Variants in ANKRD36B observed in about 807,000 individuals in gnomAD.
ANKRD36B encodes the protein ankyrin repeat domain-containing protein 36B.
A neutral mutation model predicts 135.7 loss-of-function variants in ANKRD36B; 37 were observed. That is an observed-to-expected ratio of 0.27 (90% confidence interval 0.21 to 0.36). The LOEUF is 0.36. Among genes scored for constraint, ANKRD36B ranks in the 10% least tolerant of loss-of-function variants. The pLI, the probability that ANKRD36B is intolerant of heterozygous loss-of-function variation, is 1.00. For synonymous variants in ANKRD36B, 179 were observed against 348.1 expected, an observed-to-expected ratio of 0.51 and a Z score of 5.41; for missense variants, 549 against 1,037.1, an observed-to-expected ratio of 0.53 and a Z score of 6.46.
chr2:97,549,633 T>A lies in ANKRD36B; in HGVS notation c.1376-19A>T, dbSNP rs2079850242. 6 of 1,607,170 alleles carry A rather than the reference T, an allele frequency of 3.7e-6. No homozygotes were observed. The highest frequency in any genetic ancestry group is 5.1e-6 in the Non-Finnish European group (6 of 1,177,600). On this transcript the variant is annotated intron_variant, in intron 18 of 43. Coordinates refer to ENST00000359901, the MANE Select transcript of ANKRD36B (RefSeq NM_001393939.1). ...GAAGACACTGAAAAGCAAAAGGGAT[T>A]CATAATCACTCATATGTAAATATGA... is the stretch of plus-strand genomic sequence containing the variant.
Position 97,558,820 on chromosome 2 carries a change from C to T in ANKRD36B, c.946G>A (p.Glu316Lys), listed in dbSNP as rs12992303. 66 of 1,609,248 alleles carry T rather than the reference C, an allele frequency of 4.1e-5. 1 individual carries two copies. Among genetic ancestry groups the T allele is most frequent in the East Asian group, 3.4e-4 (15 of 44,732 alleles). ...TTACCTGTCCCAGATTGTTGTCCCT[C>T]CTTTATTTCTGTGGCTATATTTGAA... ...SVSNIATEIK[E>K]GQQSGTVSPQ... The change falls in exon 10 of 44, where the codon GAG becomes AAG. Residue 316 changes from glutamate to lysine, a missense_variant. Coordinates refer to ENST00000359901, the MANE Select transcript of ANKRD36B (RefSeq NM_001393939.1).
At chr2:97,556,059 A>G (rs1310192037) in intron 12 of ANKRD36B, among the ~76,000 whole-genome samples, 2 of 152,076 alleles carry the variant, frequency 1.3e-5, no homozygotes, top group East Asian at 1.9e-4. Flanking sequence ...TTAGGATTCA[A>G]TTAATACATT....
chr2:97,555,808 T>C (rs184675361), intron 12 of ANKRD36B, among the ~76,000 whole-genome samples: 1 of 152,042 alleles, frequency 6.6e-6, no homozygotes, highest in East Asian at 1.9e-4. Flanking sequence ...TCCTAGTAGA[T>C]AGTATTCATT....
chr2:97,575,708 A>G (rs2082186425), intron 6 of ANKRD36B, among the ~76,000 whole-genome samples: 1 of 151,658 alleles, frequency 6.6e-6, no homozygotes, highest in African/African-American at 2.4e-5. Context: ...CAAATAAAGA[A>G]GGCATACAGG....
chr2:97,575,909 T>C (rs1190862550), intron 6 of ANKRD36B, among the ~76,000 whole-genome samples: 3 of 151,906 alleles, frequency 2.0e-5, no homozygotes, highest in African/African-American at 4.8e-5. Context: ...CAATATATAA[T>C]ATATATAACA....
chr2:97,562,333 T>A (rs1464431347), intron 6 of ANKRD36B, among the ~76,000 whole-genome samples: 3 of 151,964 alleles, frequency 2.0e-5, no homozygotes, highest in Admixed American at 1.3e-4. Flanking sequence ...TCCTTTTTTT[T>A]AAAATCTAGT....
chr2:97,551,222 A>G (rs2104654925), intron 18 of ANKRD36B, 67 bp downstream of exon 18: 2 of 1,527,228 alleles, frequency 1.3e-6, no homozygotes, highest in South Asian at 2.4e-5. Context: ...CCCCCCACTG[A>G]TTTATTCGGG....
At chr2:97,526,833 G>A (rs1322542825) in intron 35 of ANKRD36B, among the ~76,000 whole-genome samples, 1 of 96,306 alleles carries the variant, frequency 1.0e-5, no homozygotes, top group African/African-American at 3.1e-5. Context: ...ATGAAATGAA[G>A]CGAGAAGGGA....
chr2:97,568,634 G>C (rs2595343), intron 6 of ANKRD36B, among the ~76,000 whole-genome samples: 4 of 152,270 alleles, frequency 2.6e-5, no homozygotes, highest in African/African-American at 4.8e-5. Flanking sequence ...CAATCTGAGT[G>C]TTGTTTCCTT....
At chr2:97,552,789 T>C (rs1442236817) in intron 16 of ANKRD36B, among the ~76,000 whole-genome samples, 1 of 151,950 alleles carries the variant, frequency 6.6e-6, no homozygotes, top group East Asian at 1.9e-4. Context: ...TTTCTGTCTT[T>C]TCTTCGCAGT....
chr2:97,557,015 T>A lies in ANKRD36B; in HGVS notation c.997-6A>T. Reference sequence around the variant, plus strand: ...ACTTTCTTTTTAAATATAACCTGAATGGAAAGAGAAACAAAATAGTCAATA... The same window carrying A: ...ACTTTCTTTTTAAATATAACCTGAAAGGAAAGAGAAACAAAATAGTCAATA... On this transcript the variant is annotated splice_polypyrimidine_tract_variant and splice_region_variant and intron_variant, in intron 11 of 43. Transcript: ENST00000359901. The A allele has an allele frequency of 6.4e-7, 1 of 1,555,096 alleles. No homozygotes were observed. Among genetic ancestry groups the A allele is most frequent in the Non-Finnish European group, 8.7e-7 (1 of 1,149,848 alleles).
Position 97,556,803 on chromosome 2 carries a change from A to C in ANKRD36B, c.1069+134T>G, listed in dbSNP as rs2080569778. 51 of 1,398,392 alleles carry C rather than the reference A, an allele frequency of 3.6e-5. No individual in the cohort carries two copies. In the South Asian group the frequency reaches 6.2e-4, roughly 17 times the overall value. 86.6% of individuals were successfully genotyped at this position (1,398,392 alleles called of 1,614,324 possible). On this transcript the variant is annotated intron_variant, in intron 12 of 43. Transcript: ENST00000359901. ...CAGCATCAGCACCACCTGACAACTT[A>C]CTAGAAATGCACAATCTCAGGCCTG...
rs558618742 is a variant in ANKRD36B, at chr2:97,562,977, C to A, written c.764-2117G>T. ...TTATGAGTTATTATCATAGGCTCAG[C>A]AGCCTATCTTACCTGTTTTCCTCTC... On this transcript the variant is annotated intron_variant, in intron 6 of 43. Coordinates refer to ENST00000359901, the MANE Select transcript of ANKRD36B (RefSeq NM_001393939.1). Among the ~76,000 whole-genome samples, 7 of 152,082 alleles carry A rather than the reference C, an allele frequency of 4.6e-5. No homozygotes were observed. In the East Asian group the frequency reaches 1.4e-3, roughly 29 times the overall value.
intron 6 of ANKRD36B, among the ~76,000 whole-genome samples, chr2:97,575,239 G>A (rs1329073088): frequency 6.6e-6 from 1 of 151,902 alleles, no homozygotes; most frequent in East Asian, 1.9e-4. Context: ...CATTCCCAGG[G>A]TTTTGTCACA....
chr2:97,561,998 G>GATGTATTTA (rs146740623), intron 6 of ANKRD36B, among the ~76,000 whole-genome samples: 1 of 150,984 alleles, frequency 6.6e-6, no homozygotes, highest in African/African-American at 2.4e-5. Flanking sequence ...CATCTGAAGT[G>GATGTATTTA]AGTTCACTTA....
chr2:97,538,406 G>A (rs1401913580), intron 30 of ANKRD36B, 43 bp from the exon 31 acceptor site: 2 of 898,220 alleles, frequency 2.2e-6, no homozygotes, highest in South Asian at 2.6e-5. Flanking sequence ...ATGTAAATAT[G>A]ATAAAGTTAT....
chr2:97,575,998 G>C (rs902738453), intron 6 of ANKRD36B, among the ~76,000 whole-genome samples: 2 of 150,384 alleles, frequency 1.3e-5, no homozygotes, highest in African/African-American at 4.9e-5. Context: ...TGTAATTATT[G>C]ATTCATTTAG....
At chr2:97,578,263 C>A (rs551276561) in intron 5 of ANKRD36B, among the ~76,000 whole-genome samples, 1 of 151,960 alleles carries the variant, frequency 6.6e-6, no homozygotes, top group South Asian at 2.1e-4. Context: ...AACTTTGAAG[C>A]CTTTTTATGG....
rs1482463708 is a variant in ANKRD36B, at chr2:97,522,252, T to C, written c.2407+1074A>G. 5.1e-5 allele frequency among the ~76,000 whole-genome samples: 4 copies of C among 78,844 alleles called. 1 individual carries two copies. Among genetic ancestry groups the C allele is most frequent in the Admixed American group, 4.6e-4 (4 of 8,638 alleles). 51.7% of individuals were successfully genotyped at this position (78,844 alleles called of 152,430 possible). Reference sequence around the variant, plus strand: ...AAGTCAACCCAAAAACTGGCAAAAATACCCTTGTAAAAAAGTAGCTAAAAG... The same window carrying C: ...AAGTCAACCCAAAAACTGGCAAAAACACCCTTGTAAAAAAGTAGCTAAAAG... On this transcript the variant is annotated intron_variant, in intron 36 of 43. Transcript: ENST00000359901.
Sources: allele counts gnomAD v4.1 joint callset (sites outside exome capture counted in the v4.1 genomes callset), GRCh38; gene constraint gnomAD v4.1.1; transcripts MANE v1.5; gene names NCBI Gene and HGNC (gene_info 2026-07-23, HGNC 2026-07-21).